OR3A2: variants seen among roughly 807,000 people sequenced by gnomAD.
The protein encoded by OR3A2 is olfactory receptor family 3 subfamily A member 2.
For missense variants in OR3A2, 318 were observed against 392.8 expected (o/e 0.81, Z 1.61); for synonymous variants, 126 against 159.3 (o/e 0.79, Z 1.57).
In OR3A2 at chr17:3,295,802, CA is replaced by C. The variant is rs374190151; in HGVS notation, c.-84-16650del. 5.0e-3 allele frequency among the ~76,000 whole-genome samples: 762 copies of C among 151,706 alleles called. 8 individuals are homozygous for C. Among genetic ancestry groups the C allele is most frequent in the Non-Finnish European group, 8.1e-3 (552 of 67,850 alleles). ...TCTTAATATAAAATGTGTTTGAATT[CA>C]AAAAAGTCAGTAAATGAGGAAAAGA... On this transcript the variant is annotated intron_variant, in intron 3 of 4. Coordinates refer to the OR3A2 transcript ENST00000573491.
At chr17:3,308,278 A>T (rs1210568157) in intron 3 of OR3A2, among the ~76,000 whole-genome samples, 1 of 152,204 alleles carries the variant, frequency 6.6e-6, no homozygotes, top group Non-Finnish European at 1.5e-5. Context: ...AAATGATGTC[A>T]GCGGAGTTGC....
intron 3 of OR3A2, among the ~76,000 whole-genome samples, chr17:3,331,227 C>T (rs7502435): frequency 0.17 from 25,009 of 151,286 alleles, 2,951 homozygotes; most frequent in African/African-American, 0.33. Flanking sequence ...AACTTTGTGG[C>T]GTTCTCTGTA....
chr17:3,385,166 C>T (rs1344409359), intron 1 of OR3A2, among the ~76,000 whole-genome samples: 1 of 152,150 alleles, frequency 6.6e-6, no homozygotes, highest in Non-Finnish European at 1.5e-5. Flanking sequence ...TGAACTCCAG[C>T]CTGGGCAACA....
chr17:3,305,361 G>A (rs989598162), intron 3 of OR3A2, among the ~76,000 whole-genome samples: 3 of 152,146 alleles, frequency 2.0e-5, no homozygotes, highest in Non-Finnish European at 4.4e-5. Context: ...CAAGGAATAT[G>A]AAGAATATAA....
upstream of OR3A2, among the ~76,000 whole-genome samples, chr17:3,286,807 T>C (rs908543304): frequency 1.3e-5 from 2 of 152,234 alleles, no homozygotes; most frequent in Non-Finnish European, 2.9e-5. Flanking sequence ...TCTTTGTAGA[T>C]TCTGGATATT....
intron 2 of OR3A2, among the ~76,000 whole-genome samples, chr17:3,352,292 C>T (rs2049427565): frequency 6.6e-6 from 1 of 151,754 alleles, no homozygotes; most frequent in Non-Finnish European, 1.5e-5. Context: ...CTTTGGTTGC[C>T]TCTGCTTGTG....
intron 3 of OR3A2, among the ~76,000 whole-genome samples, chr17:3,332,923 C>A (rs57352597): frequency 0.015 from 2,331 of 152,192 alleles, 63 homozygotes; most frequent in African/African-American, 0.052. Flanking sequence ...TGTGTTTGAA[C>A]AATATGAAAT....
intron 2 of OR3A2, among the ~76,000 whole-genome samples, chr17:3,380,741 T>A (rs186519518): frequency 6.6e-6 from 1 of 152,284 alleles, no homozygotes; most frequent in East Asian, 1.9e-4. Flanking sequence ...GAATCTGGGC[T>A]GGCCAAGGAG....
At chr17:3,341,951 C>T (rs750984791) in intron 2 of OR3A2, among the ~76,000 whole-genome samples, 1 of 152,172 alleles carries the variant, frequency 6.6e-6, no homozygotes, top group Admixed American at 6.5e-5. Flanking sequence ...TTCTTGAAGG[C>T]TTTGTTCGTT....
intron 2 of OR3A2, among the ~76,000 whole-genome samples, chr17:3,371,826 G>A (rs1440679674): frequency 1.7e-5 from 2 of 120,756 alleles, no homozygotes; most frequent in Non-Finnish European, 1.7e-5. Flanking sequence ...GCGGGGGGCT[G>A]ACCTCCCCAC....
At position 3,310,820 on chromosome 17, in the gene OR3A2, C is replaced by A. The variant is rs192546292; in HGVS notation, c.-85+25213G>T. On this transcript the variant is annotated intron_variant, in intron 3 of 4. Coordinates refer to the OR3A2 transcript ENST00000573491. ...AAACTGTTGCCCTGTCTCCTCTTAA[C>A]TTCTGTGGCCCCAATGTGATCAATC... is the stretch of plus-strand genomic sequence containing the variant. The A allele has an allele frequency of 2.4e-5, 23 of 941,058 alleles. No homozygotes were observed. In the Admixed American group the frequency reaches 3.6e-4, roughly 15 times the overall value. 58.3% of individuals were successfully genotyped at this position (941,058 alleles called of 1,614,324 possible).
intron 3 of OR3A2, among the ~76,000 whole-genome samples, chr17:3,301,591 A>G (rs2048966398): frequency 6.6e-6 from 1 of 152,196 alleles, no homozygotes; most frequent in Non-Finnish European, 1.5e-5. Context: ...TCTGGATATT[A>G]GCCCTTTGTC....
intron 3 of OR3A2, among the ~76,000 whole-genome samples, chr17:3,332,778 T>A (rs776498933): frequency 2.0e-5 from 3 of 152,256 alleles, no homozygotes; most frequent in Non-Finnish European, 4.4e-5. Context: ...GAAGATTTCA[T>A]GGACATTTAT....
chr17:3,372,622 G>A (rs1291269277), intron 2 of OR3A2, among the ~76,000 whole-genome samples: 2 of 152,154 alleles, frequency 1.3e-5, no homozygotes, highest in Admixed American at 1.3e-4. Flanking sequence ...AGGAGCTGGA[G>A]ACCAGCCCGG....
chr17:3,351,910 C>G (rs968462182), intron 2 of OR3A2, among the ~76,000 whole-genome samples: 10 of 152,034 alleles, frequency 6.6e-5, no homozygotes, highest in Non-Finnish European at 1.0e-4. Context: ...TTTGACAAAC[C>G]TGAGAAAACC....
intron 2 of OR3A2, among the ~76,000 whole-genome samples, chr17:3,350,416 T>A (rs1331238384): frequency 2.7e-5 from 4 of 149,440 alleles, no homozygotes; most frequent in African/African-American, 7.3e-5. Flanking sequence ...TCTACGCAAA[T>A]AAACTAGAAA....
chr17:3,316,549 A>C (rs888524427), intron 3 of OR3A2, among the ~76,000 whole-genome samples: 1 of 152,236 alleles, frequency 6.6e-6, no homozygotes, highest in Non-Finnish European at 1.5e-5. Context: ...TTATTAGCAC[A>C]TAGCAATATT....
intron 2 of OR3A2, among the ~76,000 whole-genome samples, chr17:3,356,744 G>A (rs1047997500): frequency 6.9e-6 from 1 of 145,930 alleles, no homozygotes; most frequent in African/African-American, 2.6e-5. Flanking sequence ...CCACTTAACA[G>A]ACAAAGACTC....
In OR3A2 at chr17:3,311,459, A is replaced by G. The variant is rs559092786; in HGVS notation, c.-85+24574T>C. ...ATTTGCTGCACTGTCTCCTTCATCA[A>G]TGCTCTGACTCACACAGTGGCTGTG... On this transcript the variant is annotated intron_variant, in intron 3 of 4. Transcript: ENST00000573491. This position sits in a 1 kb window ranked among gnomAD's most constrained non-coding sequence, Gnocchi z 4.6. 2.8e-5 allele frequency: 13 copies of G among 457,538 alleles called. No individual in the cohort carries two copies. Among genetic ancestry groups the G allele is most frequent in the African/African-American group, 1.2e-4 (6 of 49,810 alleles). 28.3% of individuals were successfully genotyped at this position (457,538 alleles called of 1,614,324 possible).
Sources: allele counts gnomAD v4.1 joint callset (sites outside exome capture counted in the v4.1 genomes callset), GRCh38; gene constraint gnomAD v4.1.1; non-coding constraint Gnocchi (gnomAD v3.1); transcripts MANE v1.5; gene names NCBI Gene and HGNC (gene_info 2026-07-23, HGNC 2026-07-21).